Variants in CLASP1 observed in about 807,000 individuals in gnomAD.
The protein encoded by CLASP1 is CLIP-associating protein 1.
In CLASP1, 38 loss-of-function variants were observed where a neutral mutation model predicts 192.3. That is an observed-to-expected ratio of 0.20 (90% CI 0.15 to 0.26). The LOEUF is 0.26. Among genes scored for constraint, CLASP1 ranks in the 10% least tolerant of loss-of-function variants. The probability of loss-of-function intolerance (pLI) is 1.00; values close to 1 mark genes in which losing one functional copy is unlikely to be tolerated. For synonymous variants in CLASP1, 691 were observed against 712.8 expected, an observed-to-expected ratio of 0.97 and a Z score of 0.49; for missense variants, 1,433 against 1,932.5, an observed-to-expected ratio of 0.74 and a Z score of 4.85.
intron 6 of CLASP1, among the ~76,000 whole-genome samples, chr2:121,516,858 C>T (rs898764650): frequency 6.6e-6 from 1 of 151,606 alleles, no homozygotes; most frequent in Non-Finnish European, 1.5e-5. Flanking sequence ...GAAACCTTGT[C>T]TCTACTATAA....
chr2:121,455,922 G>A (rs2086551266), intron 14 of CLASP1, among the ~76,000 whole-genome samples: 1 of 152,094 alleles, frequency 6.6e-6, no homozygotes, highest in African/African-American at 2.4e-5. Context: ...TCAGAAGCTG[G>A]GGGTTGGGAG....
chr2:121,478,871 C>G (rs2092196261), intron 8 of CLASP1, among the ~76,000 whole-genome samples: 1 of 15,344 alleles, frequency 6.5e-5, no homozygotes, highest in African/African-American at 2.4e-4. Flanking sequence ...CACACACACA[C>G]CACACCACAC....
At chr2:121,379,359 C>T (rs1252851096) in intron 33 of CLASP1, among the ~76,000 whole-genome samples, 1 of 152,112 alleles carries the variant, frequency 6.6e-6, no homozygotes, top group Non-Finnish European at 1.5e-5. Flanking sequence ...TTTAAGATTT[C>T]AACCTCTTCT....
rs138491732 is a variant in CLASP1 at position 121,592,742 on chromosome 2, C to T, written c.195+12959G>A. 1.3e-3 allele frequency among the ~76,000 whole-genome samples: 196 copies of T among 152,196 alleles called. 3 individuals carry two copies. In the East Asian group the frequency reaches 0.03, roughly 23 times the overall value. Reference sequence around the variant, plus strand: ...TCTCGGCTCACTGCAGGCTCTGCCCCCCAGGGTTCACGCCATTCTCCTGCC... The same window carrying T: ...TCTCGGCTCACTGCAGGCTCTGCCCTCCAGGGTTCACGCCATTCTCCTGCC... On this transcript the variant is annotated intron_variant, in intron 2 of 39. Coordinates refer to ENST00000263710, the Ensembl canonical transcript of CLASP1.
At chr2:121,357,172 G>C (rs1322632450) in intron 37 of CLASP1, among the ~76,000 whole-genome samples, 1 of 152,138 alleles carries the variant, frequency 6.6e-6, no homozygotes, top group African/African-American at 2.4e-5. Flanking sequence ...TCGTATTTTT[G>C]ACTGGTGTTT....
intron 2 of CLASP1, among the ~76,000 whole-genome samples, chr2:121,572,443 C>T (rs182781207): frequency 2.1e-4 from 32 of 152,080 alleles, no homozygotes; most frequent in Admixed American, 5.9e-4. Flanking sequence ...ATAAAAAAGA[C>T]GACATTTTCT....
chr2:121,448,877 A>G, intron 17 of CLASP1, 76 bp downstream of exon 17: 1 of 1,444,242 alleles, frequency 6.9e-7, no homozygotes, highest in Non-Finnish European at 9.5e-7. Flanking sequence ...AAACATAGCT[A>G]GAATTTGTGT....
chr2:121,610,950 A>G (rs2065304815), intron 1 of CLASP1, among the ~76,000 whole-genome samples: 3 of 132,812 alleles, frequency 2.3e-5, no homozygotes, highest in Non-Finnish European at 3.2e-5. Context: ...AGGAAGAGGA[A>G]CTGGAGGAGG....
At chr2:121,576,927 T>C (rs752991823) in intron 2 of CLASP1, among the ~76,000 whole-genome samples, 21 of 152,212 alleles carry the variant, frequency 1.4e-4, no homozygotes, top group South Asian at 2.1e-4. Flanking sequence ...TTTGTGACAA[T>C]TGAGGATAAC....
At chr2:121,525,755 G>T in intron 6 of CLASP1, 90 bp downstream of exon 6, 1 of 810,444 alleles carries the variant, frequency 1.2e-6, no homozygotes. Context: ...TGAAGATTAG[G>T]ACTCCAGTCC....
intron 8 of CLASP1, among the ~76,000 whole-genome samples, chr2:121,483,475 T>C (rs1381163592): frequency 6.6e-6 from 1 of 151,922 alleles, no homozygotes; most frequent in Non-Finnish European, 1.5e-5. Context: ...TGTGTGTATA[T>C]ATGTATGTAT....
chr2:121,501,728 AAAAGACTTGCATGC>A, intron 8 of CLASP1, among the ~76,000 whole-genome samples: 1 of 152,358 alleles, frequency 6.6e-6, no homozygotes, highest in Middle Eastern at 3.4e-3. Context: ...AGTGTGAGTC[AAAAGACTTGCATGC>A]TATTACCTGC....
chr2:121,386,346 A>G (rs1233713010), intron 32 of CLASP1, among the ~76,000 whole-genome samples: 2 of 152,168 alleles, frequency 1.3e-5, no homozygotes, highest in Non-Finnish European at 2.9e-5. Flanking sequence ...CCTGTAGACA[A>G]ACAGAGCATG....
chr2:121,514,772 T>C (rs572061552), intron 7 of CLASP1, among the ~76,000 whole-genome samples: 1 of 152,320 alleles, frequency 6.6e-6, no homozygotes, highest in South Asian at 2.1e-4. Flanking sequence ...TCCATCCCAT[T>C]TCCAGATGCC....
In CLASP1 at chr2:121,482,043, C is replaced by T. The variant is rs551810063; in HGVS notation, c.713-12083G>A. ...TCCACTGTGCCCACCAACCAACCCT[C>T]GGATGTGACCCGTACTACGTGGGTC... On this transcript the variant is annotated intron_variant, in intron 8 of 39. Transcript: ENST00000263710. Among the ~76,000 whole-genome samples, 5 of 152,292 alleles carry T rather than the reference C, an allele frequency of 3.3e-5. No individual in the cohort carries two copies. In the South Asian group the frequency reaches 8.3e-4, roughly 25 times the overall value.
At chr2:121,487,969 A>G (rs2093079165) in intron 8 of CLASP1, among the ~76,000 whole-genome samples, 1 of 151,644 alleles carries the variant, frequency 6.6e-6, no homozygotes, top group Non-Finnish European at 1.5e-5. Flanking sequence ...CTTTCAGTTG[A>G]CTCCTGTGTC....
At chr2:121,490,293 G>T (rs1267577980) in intron 8 of CLASP1, 3 of 454,758 alleles carry the variant, frequency 6.6e-6, no homozygotes, top group African/African-American at 2.0e-5. Context: ...AGTCATGATT[G>T]TCAGTAATCC....
chr2:121,511,957 A>G (rs950627687), intron 7 of CLASP1, among the ~76,000 whole-genome samples: 4 of 152,270 alleles, frequency 2.6e-5, no homozygotes, highest in Non-Finnish European at 5.9e-5. Context: ...TAAAAATTTT[A>G]AAGTACCAAT....
At chr2:121,382,124 G>C in intron 33 of CLASP1, 84 bp downstream of exon 34, 1 of 1,063,610 alleles carries the variant, frequency 9.4e-7, no homozygotes, top group Non-Finnish European at 1.4e-6. Context: ...AGGCAGCTTA[G>C]AGGCTTTCCC....
Sources: allele counts gnomAD v4.1 joint callset (sites outside exome capture counted in the v4.1 genomes callset), GRCh38; gene constraint gnomAD v4.1.1; transcripts MANE v1.5; gene names NCBI Gene and HGNC (gene_info 2026-07-23, HGNC 2026-07-21).